Variants in ITCH observed in about 807,000 individuals in gnomAD.
ITCH encodes the protein itchy E3 ubiquitin protein ligase.
Under a neutral mutation model 126.8 loss-of-function variants are expected in ITCH, and 28 were observed. The observed-to-expected ratio is 0.22, with a 90% CI of 0.16 to 0.30. The LOEUF (loss-of-function observed/expected upper bound fraction) is 0.30. ITCH is among the 10% of genes least tolerant of loss of function. The probability of loss-of-function intolerance (pLI) is 1.00; values close to 1 mark genes in which losing one functional copy is unlikely to be tolerated. For missense variants in ITCH, 631 were observed against 1,032.4 expected (o/e 0.61, Z 5.33); for synonymous variants, 342 against 340.0 (o/e 1.01, Z -0.06).
intron 14 of ITCH, among the ~76,000 whole-genome samples, chr20:34,467,522 CAAA>C (rs952002079): frequency 1.9e-4 from 13 of 68,262 alleles, no homozygotes; most frequent in Non-Finnish European, 1.2e-4. Flanking sequence ...GACCCTGTCT[CAAA>C]AAAAAAAAAA....
chr20:34,501,435 C>T (rs1990239045), intron 23 of ITCH, among the ~76,000 whole-genome samples: 1 of 152,258 alleles, frequency 6.6e-6, no homozygotes, highest in South Asian at 2.1e-4. Context: ...TTTGTTCCTA[C>T]TTATAAGAAA....
At chr20:34,474,088 G>A (rs759093226) in intron 16 of ITCH, among the ~76,000 whole-genome samples, 2 of 152,030 alleles carry the variant, frequency 1.3e-5, no homozygotes, top group Non-Finnish European at 2.9e-5. Context: ...AATATGTAAG[G>A]TTTTTCTATC....
chr20:34,369,333 A>AAAC (rs2122965126), intron 1 of ITCH, 61 bp from the exon 2 acceptor site: 1 of 377,092 alleles, frequency 2.7e-6, no homozygotes, highest in Non-Finnish European at 4.7e-6. Flanking sequence ...CTCCATCTCA[A>AAAC]AAACAAACAA....
At chr20:34,407,371 A>G (rs1415786414) in intron 3 of ITCH, among the ~76,000 whole-genome samples, 3 of 152,170 alleles carry the variant, frequency 2.0e-5, no homozygotes, top group Non-Finnish European at 4.4e-5. Context: ...GGTTCAAGCA[A>G]TTCTCCTGCC....
chr20:34,439,653 C>T (rs1047998888), intron 8 of ITCH, among the ~76,000 whole-genome samples: 11 of 152,124 alleles, frequency 7.2e-5, no homozygotes, highest in Admixed American at 6.5e-4. Context: ...TTGGTGACTT[C>T]CTCTAGACAT....
intron 3 of ITCH, chr20:34,402,021 G>A: frequency 1.7e-6 from 1 of 595,894 alleles, no homozygotes; most frequent in Non-Finnish European, 3.0e-6. Context: ...GTACATGTGG[G>A]TAGGTGCAGT....
chr20:34,498,344 T>A (rs1990021975), intron 23 of ITCH, among the ~76,000 whole-genome samples: 1 of 152,186 alleles, frequency 6.6e-6, no homozygotes, highest in Admixed American at 6.5e-5. Flanking sequence ...TCTAATTGCT[T>A]TGGCTGGGAC....
chr20:34,410,401 T>G (rs1978844217), intron 4 of ITCH, among the ~76,000 whole-genome samples: 1 of 151,970 alleles, frequency 6.6e-6, no homozygotes, highest in Admixed American at 6.6e-5. Context: ...AAAAAAGAAT[T>G]TATGGAAGAT....
Position 34,449,406 on chromosome 20 carries a change from T to C in ITCH, c.1141-5T>C. ...ATAGTTTCATCACTTTTTGGTTCTT[T>C]TTAGAATCAAGATTTATTTGCTACA... On this transcript the variant is annotated splice_region_variant and splice_polypyrimidine_tract_variant and intron_variant, in intron 11 of 24. Transcript: ENST00000374864. 6.3e-7 allele frequency: 1 copy of C among 1,597,804 alleles called. No homozygotes were observed. The highest frequency in any genetic ancestry group is 8.6e-7 in the Non-Finnish European group (1 of 1,165,930).
chr20:34,402,415 C>T (rs2038918419), intron 3 of ITCH: 5 of 774,336 alleles, frequency 6.5e-6, no homozygotes, highest in Non-Finnish European at 1.2e-5. Context: ...TGGACAGTGG[C>T]ACCCACTTTT....
chr20:34,377,179 C>T (rs922050935), intron 2 of ITCH, among the ~76,000 whole-genome samples: 6 of 151,864 alleles, frequency 4.0e-5, no homozygotes, highest in South Asian at 2.1e-4. Context: ...TTGAGACCAG[C>T]CTGGCCAACA....
At chr20:34,445,260 G>GGTT in intron 10 of ITCH, 27 bp from the exon 11 acceptor site, 2 of 1,435,912 alleles carry the variant, frequency 1.4e-6, no homozygotes, top group Admixed American at 2.1e-5. Flanking sequence ...GAATTAGCTT[G>GGTT]TTTTTTTTTT....
chr20:34,381,481 C>T (rs1382844409), intron 2 of ITCH, among the ~76,000 whole-genome samples: 1 of 151,534 alleles, frequency 6.6e-6, no homozygotes, highest in African/African-American at 2.4e-5. Context: ...GGCTGGAGTG[C>T]AATGGCGCGA....
At chr20:34,486,568 C>T (rs1348461934) in intron 20 of ITCH, among the ~76,000 whole-genome samples, 1 of 152,016 alleles carries the variant, frequency 6.6e-6, no homozygotes, top group African/African-American at 2.4e-5. Context: ...TCAGGTGATC[C>T]GCCTGCCTCA....
Position 34,464,716 on chromosome 20 carries a change from C to CT in ITCH, c.1424+2506dup, listed in dbSNP as rs879670054. Among the ~76,000 whole-genome samples the CT allele has an allele frequency of 1.1e-3, 165 of 145,448 alleles. 1 individual carries two copies. Among genetic ancestry groups the CT allele is most frequent in the South Asian group, 1.3e-3 (6 of 4,596 alleles). On this transcript the variant is annotated intron_variant, in intron 14 of 24. Transcript: ENST00000374864. ...GTGTCATAAAGCTTTGCCCTAAGTT[C>CT]TTTTTTTTTTTGTAGATAGAGTCTC...
At chr20:34,500,974 C>G (rs1990214199) in intron 23 of ITCH, among the ~76,000 whole-genome samples, 1 of 152,306 alleles carries the variant, frequency 6.6e-6, no homozygotes, top group African/African-American at 2.4e-5. Context: ...CTGGGAAATA[C>G]TGTATTTCTC....
rs1234261647 is a variant in ITCH, at chr20:34,489,896, G to T, written c.2289G>T (p.Arg763Ser). The T allele has an allele frequency of 7.4e-6, 12 of 1,613,870 alleles. No homozygotes were observed. Among genetic ancestry groups the T allele is most frequent in the Non-Finnish European group, 1.0e-5 (12 of 1,179,858 alleles). The change falls in exon 22 of 25, where the codon AGG becomes AGT. Residue 763 changes from arginine to serine, a missense_variant. Physicochemically the swap from Arg to Ser is moderately radical, Grantham distance 110 (BLOSUM62 -1). Around this residue, in one of 4 missense-constraint regions of ITCH, gnomAD observed 390 missense variants for 731.6 expected, o/e 0.53. Transcript: ENST00000374864. ...ATGCCATCTACCGTCATTATGCAAGGACCAGCAAACAAATCATGTGGTTTT... is the reference window on the plus strand; with the variant it reads ...ATGCCATCTACCGTCATTATGCAAGTACCAGCAAACAAATCATGTGGTTTT... ...QRHAIYRHYA[R>S]TSKQIMWFWQ...
At chr20:34,495,366 A>T (rs1026684107) in intron 23 of ITCH, among the ~76,000 whole-genome samples, 41 of 150,948 alleles carry the variant, frequency 2.7e-4, no homozygotes, top group Non-Finnish European at 8.8e-5. Context: ...TAGTCATTGT[A>T]TAGTGCTATA....
In ITCH at chr20:34,457,379, C is replaced by G. The variant is rs766324021; in HGVS notation, c.1211-11C>G. 5.0e-6 allele frequency: 8 copies of G among 1,600,822 alleles called. No homozygotes were observed. The highest frequency in any genetic ancestry group is 6.8e-6 in the Non-Finnish European group (8 of 1,168,270). ...ATGCTTTGCTTTCCCCTGCCCCTGC[C>G]CTTCCCAAAGAGAAGAGAACAGACA... On this transcript the variant is annotated splice_polypyrimidine_tract_variant and intron_variant, in intron 12 of 24. Transcript: ENST00000374864.
Sources: allele counts gnomAD v4.1 joint callset (sites outside exome capture counted in the v4.1 genomes callset), GRCh38; gene constraint gnomAD v4.1.1; regional missense constraint gnomAD v4.1.1; transcripts MANE v1.5; gene names NCBI Gene and HGNC (gene_info 2026-07-23, HGNC 2026-07-21).